Variants in PLD1 observed in about 807,000 individuals in gnomAD.
PLD1 encodes the protein choline phosphatase 1.
In PLD1, 112 loss-of-function variants were observed where a neutral mutation model predicts 137.1. The ratio of observed to expected loss-of-function variants is 0.82; its 90% CI spans 0.70 to 0.96. The LOEUF is 0.96. PLD1 is among the 40% of genes least tolerant of loss of function. PLD1 has a pLI of 0.00. For synonymous variants in PLD1, 431 were observed against 454.7 expected (o/e 0.95, Z 0.66); for missense variants, 1,321 against 1,342.0 (o/e 0.98, Z 0.24).
In PLD1 at chr3:171,676,153, T is replaced by C. The variant is rs1713328828; in HGVS notation, c.2115+562A>G. Among the ~76,000 whole-genome samples the C allele has an allele frequency of 2.0e-5, 3 of 152,214 alleles. No homozygotes were observed. In the South Asian group the frequency reaches 6.2e-4, roughly 32 times the overall value. On this transcript the variant is annotated intron_variant, in intron 18 of 26. Transcript: ENST00000351298. Reference sequence around the variant, plus strand: ...CACCGTGCCTGGCCTGAATGATACGTACTTAACTTATGAATGTTAGGTTTG... The same window carrying C: ...CACCGTGCCTGGCCTGAATGATACGCACTTAACTTATGAATGTTAGGTTTG...
chr3:171,639,846 C>CTATATATA (rs771002250), intron 23 of PLD1, among the ~76,000 whole-genome samples: 271 of 103,804 alleles, frequency 2.6e-3, no homozygotes, highest in African/African-American at 6.5e-3. Flanking sequence ...CTCTCTCTCT[C>CTATATATA]TCTATATATA....
intron 3 of PLD1, among the ~76,000 whole-genome samples, chr3:171,737,039 TTC>T (rs1359766270): frequency 1.3e-5 from 2 of 152,250 alleles, no homozygotes; most frequent in African/African-American, 2.4e-5. Context: ...GGCTGCAGAA[TTC>T]TCTCAACAGT....
At chr3:171,740,759 T>G (rs905908553) in intron 1 of PLD1, among the ~76,000 whole-genome samples, 1 of 152,182 alleles carries the variant, frequency 6.6e-6, no homozygotes, top group Non-Finnish European at 1.5e-5. Flanking sequence ...GAAAACATCT[T>G]ATCATTTATC....
chr3:171,682,706 A>T (rs903912200), intron 16 of PLD1, among the ~76,000 whole-genome samples: 28 of 152,148 alleles, frequency 1.8e-4, no homozygotes, highest in Non-Finnish European at 3.8e-4. Context: ...AACTCCAATA[A>T]TTAAAACAGA....
chr3:171,602,946 G>C lies in PLD1; in HGVS notation c.*132C>G, dbSNP rs1041005335. ...ATCAATGTGACTGCAGCCCTCCCCA[G>C]TCATTCCAAAAGGTCCTTGGGTTGG... On this transcript the variant is annotated 3_prime_UTR_variant, in exon 27 of 27. Coordinates refer to ENST00000351298, the MANE Select transcript of PLD1 (RefSeq NM_002662.5). 2 of 643,888 alleles carry C rather than the reference G, an allele frequency of 3.1e-6. No individual in the cohort carries two copies. Among genetic ancestry groups the C allele is most frequent in the Non-Finnish European group, 5.5e-6 (2 of 366,164 alleles). The allele number at this position is 643,888 out of a possible 1,614,324, so 39.9% of individuals were successfully genotyped here.
At chr3:171,751,649 G>A (rs1040898655) in intron 1 of PLD1, among the ~76,000 whole-genome samples, 2 of 152,156 alleles carry the variant, frequency 1.3e-5, no homozygotes, top group African/African-American at 4.8e-5. Context: ...AAATTACAAT[G>A]TATTGGTGAG....
intron 19 of PLD1, among the ~76,000 whole-genome samples, chr3:171,670,017 C>T (rs1452192688): frequency 6.6e-6 from 1 of 152,150 alleles, no homozygotes; most frequent in African/African-American, 2.4e-5. Context: ...ACATTATGAA[C>T]AGTCAACTAT....
intron 1 of PLD1, among the ~76,000 whole-genome samples, chr3:171,800,204 CTTTATTT>C (rs1231295366): frequency 4.6e-5 from 7 of 152,038 alleles, no homozygotes; most frequent in African/African-American, 1.7e-4. Flanking sequence ...ATTTTTACTT[CTTTATTT>C]TTTATTTTTA....
In PLD1 at chr3:171,724,723, C is replaced by A; in HGVS notation, c.731G>T (p.Gly244Val). ...TTTTGACCATCTGTAGCAGGCTCTT[C>A]CCTGACCACAGCAATTCAAGCCTGG... ...RIPGLNCCGQ[G>V]RACYRWSKRW... Residue 244 changes from glycine to valine, a missense_variant, in exon 8 of 27, where the codon GGA (glycine) becomes GTA (valine). Gly to Val is a moderately radical substitution (Grantham distance 109, BLOSUM62 -3). Transcript: ENST00000351298. The A allele has an allele frequency of 6.2e-7, 1 of 1,609,716 alleles. No individual in the cohort carries two copies.
chr3:171,676,408 G>C (rs934690900), intron 18 of PLD1, among the ~76,000 whole-genome samples: 1 of 151,844 alleles, frequency 6.6e-6, no homozygotes, highest in Non-Finnish European at 1.5e-5. Context: ...AATGACTACC[G>C]AGCCCAGGCT....
intron 1 of PLD1, chr3:171,771,414 T>C (rs1722343855): frequency 6.6e-6 from 1 of 152,242 alleles, no homozygotes; most frequent in South Asian, 2.1e-4. Flanking sequence ...CTTTAGCCTA[T>C]AAGCTTTAGT....
chr3:171,702,978 C>T (rs1044216256), intron 11 of PLD1, among the ~76,000 whole-genome samples: 6 of 152,052 alleles, frequency 3.9e-5, no homozygotes, highest in African/African-American at 1.4e-4. Flanking sequence ...ACCAAAAACA[C>T]AGCAACTTAG....
intron 6 of PLD1, among the ~76,000 whole-genome samples, chr3:171,727,484 C>T (rs1425416293): frequency 2.0e-5 from 3 of 152,148 alleles, no homozygotes; most frequent in East Asian, 1.9e-4. Flanking sequence ...ATTTGCAGAT[C>T]GTTTTGAAAA....
At chr3:171,611,431 C>T (rs1732647856) in intron 25 of PLD1, 5 of 350,368 alleles carry the variant, frequency 1.4e-5, no homozygotes, top group Admixed American at 3.7e-5. Context: ...GTTGAGAAAA[C>T]ACAACAGGGG....
At chr3:171,742,695 T>A (rs550469068) in intron 1 of PLD1, among the ~76,000 whole-genome samples, 6 of 152,178 alleles carry the variant, frequency 3.9e-5, no homozygotes, top group Non-Finnish European at 5.9e-5. Context: ...ATATAACCTA[T>A]GAAAACACAT....
At chr3:171,760,508 A>T (rs1237084902) in intron 1 of PLD1, among the ~76,000 whole-genome samples, 1 of 152,212 alleles carries the variant, frequency 6.6e-6, no homozygotes, top group Admixed American at 6.5e-5. Flanking sequence ...GTTTCAGAGA[A>T]TTTCTATAAA....
intron 1 of PLD1, among the ~76,000 whole-genome samples, chr3:171,780,068 A>G (rs1290371078): frequency 6.6e-6 from 1 of 151,390 alleles, no homozygotes. Context: ...GTTTATATAC[A>G]TAAGTCTGAG....
At chr3:171,621,404 T>A (rs116106860) in intron 23 of PLD1, among the ~76,000 whole-genome samples, 1 of 152,282 alleles carries the variant, frequency 6.6e-6, no homozygotes, top group Non-Finnish European at 1.5e-5. Context: ...CAAATTCTCA[T>A]AGAAAGAGAG....
At chr3:171,718,389 G>C (rs138255652) in intron 8 of PLD1, among the ~76,000 whole-genome samples, 22 of 152,204 alleles carry the variant, frequency 1.4e-4, no homozygotes, top group African/African-American at 5.1e-4. Flanking sequence ...TCTATAAGAC[G>C]TACAAAGAAG....
Sources: gnomAD v4.1 joint callset for allele counts (sites outside exome capture counted in the v4.1 genomes callset) on GRCh38, gnomAD v4.1.1 for gene constraint, MANE v1.5 for transcripts, NCBI Gene and HGNC (gene_info 2026-07-23, HGNC 2026-07-21) for gene names.